The following ALG10B variants were observed in gnomAD, a reference collection of about 807,000 sequenced individuals.
The protein encoded by ALG10B is dol-P-Glc:Glc(2)Man(9)GlcNAc(2)-PP-Dol alpha-1,2-glucosyltransferase B.
ALG10B carries 27 observed loss-of-function variants against 38.7 expected under a neutral mutation model. The observed-to-expected ratio is 0.70, with a 90% CI of 0.51 to 0.96. The LOEUF (loss-of-function observed/expected upper bound fraction) is 0.96. Ranked by LOEUF, ALG10B falls within the 40% of genes least tolerant of loss-of-function variation. The pLI is 0.00. For synonymous variants in ALG10B, 177 were observed against 193.3 expected, an observed-to-expected ratio of 0.92 and a Z score of 0.70; for missense variants, 522 against 542.7, an observed-to-expected ratio of 0.96 and a Z score of 0.38.
intron 1 of ALG10B, chr12:38,317,732 T>C (rs976013950): frequency 8.4e-5 from 15 of 178,794 alleles, no homozygotes; most frequent in Middle Eastern, 2.9e-3. Flanking sequence ...ATCTTGGTGC[T>C]GTGATTTACT....
rs1945759487 is a variant in ALG10B, at chr12:38,327,819, A to G, written c.*6606A>G. ...AGCATGAACAACATGATAACTCCTT[A>G]TAATTTTGTTGTAAGATAAATGACT... On this transcript the variant is annotated 3_prime_UTR_variant, in exon 3 of 3. Coordinates refer to ENST00000308742, the MANE Select transcript of ALG10B (RefSeq NM_001013620.4). 6.6e-6 allele frequency: 1 copy of G among 152,196 alleles called. No individual in the cohort carries two copies. The highest frequency in any genetic ancestry group is 1.5e-5 in the Non-Finnish European group (1 of 68,032). 9.4% of individuals were successfully genotyped at this position (152,196 alleles called of 1,614,324 possible).
rs1945730409 is a variant in ALG10B, at chr12:38,324,816, AT to A, written c.*3609del. The A allele has an allele frequency of 6.6e-6, 1 of 152,138 alleles. No homozygotes were observed. Among genetic ancestry groups the A allele is most frequent in the African/African-American group, 2.4e-5 (1 of 41,430 alleles). 9.4% of individuals were successfully genotyped at this position (152,138 alleles called of 1,614,324 possible). A position where few individuals can be genotyped will look rare whatever the true frequency, so the allele number is the denominator to read the frequency against. On this transcript the variant is annotated 3_prime_UTR_variant, in exon 3 of 3. Coordinates refer to ENST00000308742, the MANE Select transcript of ALG10B (RefSeq NM_001013620.4). ...TTCAAAAGTTATTGAGTAGATAGAT[AT>A]TTTTTCATGAATTTTTAAACATTAG...
rs60456063 is a variant in ALG10B at position 38,328,886 on chromosome 12, A to T, written c.*7673A>T. The T allele has an allele frequency of 4.7e-3, 1,208 of 259,180 alleles. 11 individuals carry two copies. The highest frequency in any genetic ancestry group is 0.026 in the African/African-American group (1,164 of 45,554). The allele number at this position is 259,180 out of a possible 1,614,324, so 16.1% of individuals were successfully genotyped here. On this transcript the variant is annotated 3_prime_UTR_variant, in exon 3 of 3. Coordinates refer to ENST00000308742, the MANE Select transcript of ALG10B (RefSeq NM_001013620.4). ...TTGTATCAGCCACTGTTATAAAGTG[A>T]TTTACCCATGTTAGTCTCATAACAA...
At chr12:38,319,823 G>A (rs1214993846) in intron 2 of ALG10B, among the ~76,000 whole-genome samples, 2 of 152,140 alleles carry the variant, frequency 1.3e-5, no homozygotes, top group African/African-American at 4.8e-5. Context: ...AGCCAGCATT[G>A]TGTCCTATTT....
In ALG10B at chr12:38,316,832, C is replaced by T. The variant is rs763239713; in HGVS notation, c.-62C>T. ...CCATTTCGAGCCCAAGTTTCCAGCTCGGGTTTCCGGGCTCAGAATTTTCCA... is the reference window on the plus strand; with the variant it reads ...CCATTTCGAGCCCAAGTTTCCAGCTTGGGTTTCCGGGCTCAGAATTTTCCA... On this transcript the variant is annotated 5_prime_UTR_variant, in exon 1 of 3. Coordinates refer to ENST00000308742, the MANE Select transcript of ALG10B (RefSeq NM_001013620.4). The T allele has an allele frequency of 2.3e-5, 37 of 1,613,210 alleles. No homozygotes were observed. The highest frequency in any genetic ancestry group is 2.9e-5 in the Non-Finnish European group (34 of 1,179,802).
chr12:38,324,884 T>A lies in ALG10B; in HGVS notation c.*3671T>A, dbSNP rs1480392204. Reference sequence around the variant, plus strand: ...TAAAATTAGGTGATTATGAAAAAAATATTGCCCTGCTCGAGGGCATCTGGA... The same window carrying A: ...TAAAATTAGGTGATTATGAAAAAAAAATTGCCCTGCTCGAGGGCATCTGGA... On this transcript the variant is annotated 3_prime_UTR_variant, in exon 3 of 3. Coordinates refer to ENST00000308742, the MANE Select transcript of ALG10B (RefSeq NM_001013620.4). The A allele has an allele frequency of 1.3e-5, 2 of 152,180 alleles. No individual in the cohort carries two copies. The highest frequency in any genetic ancestry group is 2.9e-5 in the Non-Finnish European group (2 of 68,004). 9.4% of individuals were successfully genotyped at this position (152,180 alleles called of 1,614,324 possible). A position where few individuals can be genotyped will look rare whatever the true frequency, so the allele number is the denominator to read the frequency against.
chr12:38,323,987 TAAAG>T lies in ALG10B; in HGVS notation c.*2777_*2780del, dbSNP rs1428586178. 1 of 693,936 alleles carries T rather than the reference TAAAG, an allele frequency of 1.4e-6. No individual in the cohort carries two copies. Among genetic ancestry groups the T allele is most frequent in the Non-Finnish European group, 2.6e-6 (1 of 382,782 alleles). 43.0% of individuals were successfully genotyped at this position (693,936 alleles called of 1,614,324 possible). A position where few individuals can be genotyped will look rare whatever the true frequency, so the allele number is the denominator to read the frequency against. ...TGAGGAAAATATTCTACCCTGTAAT[TAAAG>T]AAGACTGCTCTTTGGAGGGATCACT... On this transcript the variant is annotated 3_prime_UTR_variant, in exon 3 of 3. Coordinates refer to ENST00000308742, the MANE Select transcript of ALG10B (RefSeq NM_001013620.4).
At chr12:38,319,862 G>A (rs994932224) in intron 2 of ALG10B, among the ~76,000 whole-genome samples, 28 of 152,032 alleles carry the variant, frequency 1.8e-4, no homozygotes, top group African/African-American at 6.0e-4. Flanking sequence ...GAACTTAGTC[G>A]GTATCTTGCA....
rs2120517743 is a variant in ALG10B, at chr12:38,326,506, A to T, written c.*5293A>T. 1 of 110,296 alleles carries T rather than the reference A, an allele frequency of 9.1e-6. No homozygotes were observed. The highest frequency in any genetic ancestry group is 3.4e-4 in the East Asian group (1 of 2,912). The allele number at this position is 110,296 out of a possible 1,614,324, so 6.8% of individuals were successfully genotyped here. A position where few individuals can be genotyped will look rare whatever the true frequency, so the allele number is the denominator to read the frequency against. The stretch of plus-strand genomic sequence containing the variant: ...AACTTTATACCCTATTAAGGGTATA[A>T]TTTCAAAATAATTGCTTTTTATTTA... On this transcript the variant is annotated 3_prime_UTR_variant, in exon 3 of 3. Transcript: ENST00000308742.
Position 38,323,978 on chromosome 12 carries a change from C to T in ALG10B, c.*2765C>T, listed in dbSNP as rs1945722633. The T allele has an allele frequency of 1.4e-6, 1 of 698,128 alleles. No individual in the cohort carries two copies. The highest frequency in any genetic ancestry group is 2.6e-6 in the Non-Finnish European group (1 of 383,690). The allele number at this position is 698,128 out of a possible 1,614,324, so 43.2% of individuals were successfully genotyped here. ...TGGCAAAATTGAGGAAAATATTCTACCCTGTAATTAAAGAAGACTGCTCTT... is the reference window on the plus strand; with the variant it reads ...TGGCAAAATTGAGGAAAATATTCTATCCTGTAATTAAAGAAGACTGCTCTT... On this transcript the variant is annotated 3_prime_UTR_variant, in exon 3 of 3. Transcript: ENST00000308742.
rs750168940 is a variant in ALG10B at position 38,321,073 on chromosome 12, A to G, written c.1282A>G (p.Asn428Asp). The stretch of plus-strand genomic sequence containing the variant: ...TTTACCTTATGTCATTTATAGGCTT[A>G]ACATAACTCTGCCTCCCACATCCAG... ...FILPYVIYRL[N>D]ITLPPTSRLV... The change falls in exon 3 of 3, where the codon AAC (asparagine) becomes GAC (aspartate). Residue 428 changes from asparagine (N) to aspartate (D), a missense_variant. By Grantham distance (23) the Asn-to-Asp change is conservative. Transcript: ENST00000308742. The G allele has an allele frequency of 1.9e-6, 3 of 1,613,830 alleles. No individual in the cohort carries two copies. Among genetic ancestry groups the G allele is most frequent in the Admixed American group, 1.7e-5 (1 of 60,006 alleles).
chr12:38,325,279 A>T lies in ALG10B; in HGVS notation c.*4066A>T, dbSNP rs1264257684. ...TCTTAGAGTTATTTCTGAAATGTGC[A>T]TAGCCAGTCATAAAATAACTTGTGT... On this transcript the variant is annotated 3_prime_UTR_variant, in exon 3 of 3. Transcript: ENST00000308742. 6.6e-6 allele frequency: 1 copy of T among 152,204 alleles called. No individual in the cohort carries two copies. Among genetic ancestry groups the T allele is most frequent in the African/African-American group, 2.4e-5 (1 of 41,460 alleles). 9.4% of individuals were successfully genotyped at this position (152,204 alleles called of 1,614,324 possible).
Position 38,328,426 on chromosome 12 carries a change from A to C in ALG10B, c.*7213A>C, listed in dbSNP as rs1356722028. ...TATTTTTTATCCCTCTATATTCGTGAAATTACTTCTATTTGAAAAGTTTTC... is the reference window on the plus strand; with the variant it reads ...TATTTTTTATCCCTCTATATTCGTGCAATTACTTCTATTTGAAAAGTTTTC... On this transcript the variant is annotated 3_prime_UTR_variant, in exon 3 of 3. Coordinates refer to ENST00000308742, the MANE Select transcript of ALG10B (RefSeq NM_001013620.4). 1 of 152,106 alleles carries C rather than the reference A, an allele frequency of 6.6e-6. No homozygotes were observed. The highest frequency in any genetic ancestry group is 1.5e-5 in the Non-Finnish European group (1 of 67,986). The allele number at this position is 152,106 out of a possible 1,614,324, so 9.4% of individuals were successfully genotyped here. A position where few individuals can be genotyped will look rare whatever the true frequency, so the allele number is the denominator to read the frequency against.
Position 38,316,941 on chromosome 12 carries a change from C to G in ALG10B, c.48C>G (p.Thr16=). ...GTTTCTCGGCCGCCTTGAGCTGTAC[C>G]TTTTTAGTGTCCTGCCTCCTCTTCT... is the stretch of plus-strand genomic sequence containing the variant. ...GYCFSAALSC[T]FLVSCLLFSA... The change falls in exon 1 of 3, where the codon ACC becomes ACG. Residue 16 remains threonine (T), a synonymous_variant. Transcript: ENST00000308742. 1.2e-6 allele frequency: 2 copies of G among 1,614,140 alleles called. No individual in the cohort carries two copies. Among genetic ancestry groups the G allele is most frequent in the East Asian group, 2.2e-5 (1 of 44,868 alleles).
In ALG10B at chr12:38,320,841, C is replaced by G. The variant is rs1409582792; in HGVS notation, c.1050C>G (p.Asp350Glu). The change falls in exon 3 of 3, where the codon GAC becomes GAG. Residue 350 changes from aspartate to glutamate, a missense_variant. Transcript: ENST00000308742. ...FTYAHKYLLA[D>E]NRHYTFYVWK... is the part of the protein sequence containing the mutation. ...ATGCTCATAAATACTTGCTAGCAGA[C>G]AATAGACATTATACTTTCTATGTGT... 1 of 1,613,568 alleles carries G rather than the reference C, an allele frequency of 6.2e-7. No individual in the cohort carries two copies. Among genetic ancestry groups the G allele is most frequent in the East Asian group, 2.2e-5 (1 of 44,842 alleles).
rs779228443 is a variant in ALG10B at position 38,317,045 on chromosome 12, G to A, written c.152G>A (p.Gly51Asp). The A allele has an allele frequency of 1.9e-6, 3 of 1,614,086 alleles. No individual in the cohort carries two copies. The highest frequency in any genetic ancestry group is 2.5e-6 in the Non-Finnish European group (3 of 1,180,044). Reference sequence around the variant, plus strand: ...CCTCAGGCGCAGCGCTACTGTGAGGGCCATTTCTCCCTTTCCCAGGTGGGG... The same window carrying A: ...CCTCAGGCGCAGCGCTACTGTGAGGACCATTTCTCCCTTTCCCAGGTGGGG... ...HLPQAQRYCE[G>D]HFSLSQWDPM... The change falls in exon 1 of 3, where the codon GGC (glycine) becomes GAC (aspartate). Residue 51 changes from glycine to aspartate, a missense_variant. Transcript: ENST00000308742.
rs1945728568 is a variant in ALG10B, at chr12:38,324,582, A to C, written c.*3369A>C. 1.3e-5 allele frequency: 2 copies of C among 152,216 alleles called. No individual in the cohort carries two copies. The highest frequency in any genetic ancestry group is 4.1e-4 in the South Asian group (2 of 4,830). 9.4% of individuals were successfully genotyped at this position (152,216 alleles called of 1,614,324 possible). Reference sequence around the variant, plus strand: ...AATGTCTTCGTTAAATTTTCTAGGCAGTTCAAAGATGGCCATTTGCTGGTG... The same window carrying C: ...AATGTCTTCGTTAAATTTTCTAGGCCGTTCAAAGATGGCCATTTGCTGGTG... On this transcript the variant is annotated 3_prime_UTR_variant, in exon 3 of 3. Transcript: ENST00000308742.
chr12:38,324,202 T>G lies in ALG10B; in HGVS notation c.*2989T>G. On this transcript the variant is annotated 3_prime_UTR_variant, in exon 3 of 3. Transcript: ENST00000308742. ...CGCCCACCACCAAGCCTGGCTAATT[T>G]TTTCTATTTTTAGTAGAGCCGGGGT... 1 of 366,286 alleles carries G rather than the reference T, an allele frequency of 2.7e-6. No individual in the cohort carries two copies. Among genetic ancestry groups the G allele is most frequent in the Non-Finnish European group, 4.9e-6 (1 of 202,446 alleles). 22.7% of individuals were successfully genotyped at this position (366,286 alleles called of 1,614,324 possible).
Position 38,320,971 on chromosome 12 carries a change from T to C in ALG10B, c.1180T>C (p.Phe394Leu). Residue 394 changes from phenylalanine (F) to leucine (L), a missense_variant, in exon 3 of 3, where the codon TTT (phenylalanine) becomes CTT (leucine). Phe to Leu is a conservative substitution (Grantham distance 22, BLOSUM62 0). Coordinates refer to ENST00000308742, the MANE Select transcript of ALG10B (RefSeq NM_001013620.4). Reference sequence around the variant, plus strand: ...TGACTCATTGAAATCAAAGCCAATTTTTTGGAATTTAATGTTTTTCATATG... The same window carrying C: ...TGACTCATTGAAATCAAAGCCAATTCTTTGGAATTTAATGTTTTTCATATG... The part of the protein sequence containing the change: ...IADSLKSKPI[F>L]WNLMFFICLF... The C allele has an allele frequency of 6.2e-7, 1 of 1,613,536 alleles. No homozygotes were observed. The highest frequency in any genetic ancestry group is 8.5e-7 in the Non-Finnish European group (1 of 1,179,790).
Sources: gnomAD v4.1 joint callset for allele counts (sites outside exome capture counted in the v4.1 genomes callset) on GRCh38, gnomAD v4.1.1 for gene constraint, MANE v1.5 for transcripts, NCBI Gene and HGNC (gene_info 2026-07-23, HGNC 2026-07-21) for gene names.